The following FOXP2 variants were observed in gnomAD, a reference collection of about 807,000 sequenced individuals.
FOXP2 encodes forkhead box protein P2.
In FOXP2, 12 loss-of-function variants were observed where a neutral mutation model predicts 115.8. The observed-to-expected ratio is 0.10, with a 90% CI of 0.07 to 0.17. FOXP2 has a LOEUF of 0.17. Ranked by LOEUF, FOXP2 falls within the 10% of genes least tolerant of loss-of-function variation. FOXP2 has a pLI of 1.00. For synonymous variants in FOXP2, 328 were observed against 297.7 expected (o/e 1.10, Z -1.05); for missense variants, 629 against 843.5 (o/e 0.75, Z 3.15).
chr7:114,120,015 G>A lies in FOXP2; in HGVS notation c.-247+32177G>A, dbSNP rs972911514. On this transcript the variant is annotated intron_variant, in intron 1 of 19. Transcript: ENST00000635638. ...CTATATTCTTATTGCTAAAGCAGAG[G>A]TATAGAAAATCCCATGAAAACATTT... Among the ~76,000 whole-genome samples, 13 of 152,096 alleles carry A rather than the reference G, an allele frequency of 8.5e-5. 1 individual carries two copies. In the South Asian group the frequency reaches 1.7e-3, roughly 19 times the overall value.
intron 1 of FOXP2, among the ~76,000 whole-genome samples, chr7:114,239,025 T>C (rs1795084851): frequency 6.8e-6 from 1 of 147,918 alleles, no homozygotes; most frequent in Admixed American, 6.6e-5. Context: ...AGAAACAGCA[T>C]TCACGTTTCA....
chr7:114,248,208 G>GAGAC (rs1276507614), intron 1 of FOXP2, among the ~76,000 whole-genome samples: 68 of 150,902 alleles, frequency 4.5e-4, no homozygotes, highest in African/African-American at 1.0e-3. Flanking sequence ...GAGAGAGAGA[G>GAGAC]AGAGACAGAG....
intron 2 of FOXP2, among the ~76,000 whole-genome samples, chr7:114,341,113 C>T (rs1306510752): frequency 1.3e-5 from 2 of 151,238 alleles, no homozygotes; most frequent in African/African-American, 4.8e-5. Flanking sequence ...ATACCACATA[C>T]TCTGAACTAT....
intron 8 of FOXP2, among the ~76,000 whole-genome samples, chr7:114,650,401 T>C (rs1785319123): frequency 1.4e-5 from 2 of 148,088 alleles, no homozygotes; most frequent in African/African-American, 2.5e-5. Flanking sequence ...GGAATAAATA[T>C]GTTTGTGTTC....
upstream of FOXP2, among the ~76,000 whole-genome samples, chr7:114,412,464 A>G (rs117833106): frequency 2.4e-4 from 36 of 152,250 alleles, no homozygotes; most frequent in East Asian, 5.2e-3. Flanking sequence ...CAAAATGGTT[A>G]TACACTTCTT....
chr7:114,528,795 G>T (rs369964456), intron 2 of FOXP2, among the ~76,000 whole-genome samples: 3 of 151,310 alleles, frequency 2.0e-5, no homozygotes, highest in Admixed American at 6.6e-5. Flanking sequence ...CCCTGCTAAG[G>T]TATGTGTAAA....
chr7:114,621,075 T>C (rs904997927), intron 3 of FOXP2, among the ~76,000 whole-genome samples: 1 of 152,058 alleles, frequency 6.6e-6, no homozygotes, highest in Non-Finnish European at 1.5e-5. Context: ...GTCTCTTTTA[T>C]ATATTATGCT....
chr7:114,536,380 G>C (rs1035569559), intron 3 of FOXP2, among the ~76,000 whole-genome samples: 8 of 146,766 alleles, frequency 5.5e-5, no homozygotes, highest in African/African-American at 1.5e-4. Flanking sequence ...GAATGGCTGG[G>C]CTTTAGTTTT....
chr7:114,404,941 C>T (rs1331850020), intron 2 of FOXP2, among the ~76,000 whole-genome samples: 1 of 151,938 alleles, frequency 6.6e-6, no homozygotes, highest in Non-Finnish European at 1.5e-5. Flanking sequence ...GAGCAGGTAT[C>T]ATAAAACTTA....
At chr7:114,089,362 A>G (rs946305058) in intron 1 of FOXP2, among the ~76,000 whole-genome samples, 2 of 152,102 alleles carry the variant, frequency 1.3e-5, no homozygotes, top group African/African-American at 4.8e-5. Flanking sequence ...ACTTAAATAT[A>G]AGTACAATGA....
rs189608850 is a variant in FOXP2 at position 114,090,865 on chromosome 7, A to T, written c.-247+3027A>T. On this transcript the variant is annotated intron_variant, in intron 1 of 19. Coordinates refer to the FOXP2 transcript ENST00000635638. ...ATTTTCATTGCTTTCTTATGGAGGTATTCTAGACTTTTAGCTTCCTCATTT... is the reference window on the plus strand; with the variant it reads ...ATTTTCATTGCTTTCTTATGGAGGTTTTCTAGACTTTTAGCTTCCTCATTT... 2.5e-3 allele frequency among the ~76,000 whole-genome samples: 379 copies of T among 150,590 alleles called. 2 individuals are homozygous for T. Among genetic ancestry groups the T allele is most frequent in the South Asian group, 5.6e-3 (27 of 4,792 alleles).
intron 2 of FOXP2, among the ~76,000 whole-genome samples, chr7:114,435,142 T>G (rs1439664573): frequency 1.3e-5 from 2 of 152,172 alleles, no homozygotes; most frequent in African/African-American, 4.8e-5. Flanking sequence ...CAATCACTTT[T>G]CACTATGATT....
chr7:114,149,440 A>T (rs1327437701), intron 1 of FOXP2, among the ~76,000 whole-genome samples: 2 of 152,122 alleles, frequency 1.3e-5, no homozygotes, highest in Non-Finnish European at 2.9e-5. Context: ...TATGAAAACA[A>T]ACCAGAATGA....
At chr7:114,654,953 T>C (rs906145393) in intron 10 of FOXP2, among the ~76,000 whole-genome samples, 2 of 152,124 alleles carry the variant, frequency 1.3e-5, no homozygotes, top group African/African-American at 4.8e-5. Flanking sequence ...CAAAATTTAC[T>C]TTTTTGGTAG....
At chr7:114,547,523 C>T (rs1037937199) in intron 3 of FOXP2, among the ~76,000 whole-genome samples, 7 of 152,034 alleles carry the variant, frequency 4.6e-5, no homozygotes, top group Admixed American at 4.6e-4. Flanking sequence ...TTTGGGAGGC[C>T]GAGGCGGGCG....
At chr7:114,335,933 A>G (rs1177248031) in intron 2 of FOXP2, among the ~76,000 whole-genome samples, 3 of 151,834 alleles carry the variant, frequency 2.0e-5, no homozygotes, top group African/African-American at 7.2e-5. Context: ...TACTATGTAG[A>G]TGTGGATGTT....
chr7:114,422,752 G>A (rs557253259), intron 1 of FOXP2, among the ~76,000 whole-genome samples: 3 of 151,678 alleles, frequency 2.0e-5, no homozygotes, highest in East Asian at 3.9e-4. Context: ...ACATTGCTGC[G>A]AATACGGAAT....
At chr7:114,496,134 A>C (rs1033920247) in intron 2 of FOXP2, among the ~76,000 whole-genome samples, 1 of 152,162 alleles carries the variant, frequency 6.6e-6, no homozygotes, top group Non-Finnish European at 1.5e-5. Flanking sequence ...TTTAGAAAAA[A>C]AATCTATAAT....
At chr7:114,190,689 T>A (rs925605189) in intron 1 of FOXP2, among the ~76,000 whole-genome samples, 4 of 152,202 alleles carry the variant, frequency 2.6e-5, no homozygotes, top group African/African-American at 9.6e-5. Flanking sequence ...TTACTGTGTC[T>A]GATTTTCTCC....
Sources: allele counts gnomAD v4.1 joint callset (sites outside exome capture counted in the v4.1 genomes callset), GRCh38; gene constraint gnomAD v4.1.1; transcripts MANE v1.5; gene names NCBI Gene and HGNC (gene_info 2026-07-23, HGNC 2026-07-21).